C2CD5: variants seen among roughly 807,000 people sequenced by gnomAD.
C2CD5 encodes the protein C2 domain-containing protein 5.
Under a neutral mutation model 130.3 loss-of-function variants are expected in C2CD5, and 109 were observed. The ratio of observed to expected loss-of-function variants is 0.84; its 90% CI spans 0.72 to 0.98. The LOEUF (loss-of-function observed/expected upper bound fraction) is 0.98. Among genes scored for constraint, C2CD5 ranks in the 50% least tolerant of loss-of-function variants. C2CD5 has a pLI of 0.00. For missense variants in C2CD5, 996 were observed against 1,261.8 expected, an observed-to-expected ratio of 0.79 and a Z score of 3.19; for synonymous variants, 454 against 429.2, an observed-to-expected ratio of 1.06 and a Z score of -0.71.
rs749723939 is a variant in C2CD5, at chr12:22,514,635, T to C, written c.953-1256A>G. On this transcript the variant is annotated intron_variant, in intron 8 of 26. Coordinates refer to ENST00000446597, the MANE Select transcript of C2CD5 (RefSeq NM_001286176.2). ...GTAATCATATGGTTTAGCAACATGA[T>C]GACACAGGTCCAATGTGAATGGAGT... Among the ~76,000 whole-genome samples the C allele has an allele frequency of 2.3e-4, 35 of 152,222 alleles. 1 individual carries two copies. The highest frequency in any genetic ancestry group is 3.7e-4 in the Non-Finnish European group (25 of 67,994).
At chr12:22,488,660 A>T (rs1043960994) in intron 12 of C2CD5, among the ~76,000 whole-genome samples, 1 of 152,094 alleles carries the variant, frequency 6.6e-6, no homozygotes, top group Non-Finnish European at 1.5e-5. Flanking sequence ...CCTCAATAGA[A>T]TATTCTAATT....
chr12:22,542,581 T>C (rs180791065), intron 2 of C2CD5, among the ~76,000 whole-genome samples: 6 of 152,310 alleles, frequency 3.9e-5, no homozygotes, highest in Middle Eastern at 6.8e-3. Context: ...ATCCTGGGTG[T>C]CCTTCAAGGC....
chr12:22,542,920 C>A (rs1004999974), intron 2 of C2CD5, among the ~76,000 whole-genome samples: 12 of 152,196 alleles, frequency 7.9e-5, no homozygotes, highest in Non-Finnish European at 1.6e-4. Context: ...ATTAAATAGG[C>A]TGTGTGGGTC....
intron 13 of C2CD5, among the ~76,000 whole-genome samples, chr12:22,483,437 C>T (rs1945015667): frequency 6.6e-6 from 1 of 151,950 alleles, no homozygotes; most frequent in Admixed American, 6.6e-5. Flanking sequence ...GATTATTTCT[C>T]AACAGTAGCA....
rs889243903 is a variant in C2CD5 at position 22,471,870 on chromosome 12, C to T, written c.2268+97G>A. The T allele has an allele frequency of 7.6e-5, 56 of 739,064 alleles. No homozygotes were observed. The East Asian group carries it at 1.5e-3, about 20-fold the overall frequency. 45.8% of individuals were successfully genotyped at this position (739,064 alleles called of 1,614,324 possible). The stretch of plus-strand genomic sequence containing the variant: ...AAGTAGGTAAGAATGATTCAGCCCA[C>T]AACTGTGTAAGGTATTACAGACAAT... On this transcript the variant is annotated intron_variant, in intron 19 of 26. Coordinates refer to ENST00000446597, the MANE Select transcript of C2CD5 (RefSeq NM_001286176.2).
Position 22,512,672 on chromosome 12 carries a change from G to A in C2CD5, c.1038+622C>T, listed in dbSNP as rs186215079. ...CCGCCTTCTACAGAACCTATGAGGC[G>A]ATCCTCCCTTAGCAATGAAGTTTAT... On this transcript the variant is annotated intron_variant, in intron 9 of 26. Coordinates refer to ENST00000446597, the MANE Select transcript of C2CD5 (RefSeq NM_001286176.2). The A allele has an allele frequency of 5.6e-5, 83 of 1,494,542 alleles. 1 individual carries two copies. The African/African-American group carries it at 8.9e-4, about 16-fold the overall frequency. The allele number at this position is 1,494,542 out of a possible 1,614,324, so 92.6% of individuals were successfully genotyped here.
In C2CD5 at chr12:22,497,537, A is replaced by G. The variant is rs536892762; in HGVS notation, c.1148-4200T>C. 2.2e-4 allele frequency: 128 copies of G among 577,272 alleles called. No homozygotes were observed. In the African/African-American group the frequency reaches 2.4e-3, roughly 11 times the overall value. The allele number at this position is 577,272 out of a possible 1,614,324, so 35.8% of individuals were successfully genotyped here. The stretch of plus-strand genomic sequence containing the variant: ...ATAAAGGTTAATACAATGATAATCT[A>G]TCATGTTAACGGACAGTATAAAAAG... On this transcript the variant is annotated intron_variant, in intron 10 of 26. Transcript: ENST00000446597.
chr12:22,485,074 C>G (rs1945295217), intron 12 of C2CD5, among the ~76,000 whole-genome samples, 186 bp from the exon 13 acceptor site: 1 of 151,982 alleles, frequency 6.6e-6, no homozygotes, highest in African/African-American at 2.4e-5. Flanking sequence ...CAGAACCATA[C>G]ATTTTTCCTA....
At chr12:22,510,409 A>G (rs1280773430) in intron 9 of C2CD5, among the ~76,000 whole-genome samples, 1 of 152,210 alleles carries the variant, frequency 6.6e-6, no homozygotes, top group African/African-American at 2.4e-5. Flanking sequence ...AAAAATATTT[A>G]ATAGTGTGTG....
chr12:22,510,209 GA>G (rs797006141), intron 9 of C2CD5, among the ~76,000 whole-genome samples: 31 of 144,034 alleles, frequency 2.2e-4, no homozygotes, highest in Admixed American at 4.1e-4. Context: ...TCATCTCAAT[GA>G]AAAAAAAAAA....
chr12:22,449,717 T>C lies in C2CD5; in HGVS notation c.*43A>G, dbSNP rs368838207. 7 of 1,504,586 alleles carry C rather than the reference T, an allele frequency of 4.7e-6. No individual in the cohort carries two copies. The highest frequency in any genetic ancestry group is 1.4e-5 in the African/African-American group (1 of 72,810). 93.2% of individuals were successfully genotyped at this position (1,504,586 alleles called of 1,614,324 possible). A position where few individuals can be genotyped will look rare whatever the true frequency, so the allele number is the denominator to read the frequency against. ...ATAATTAATGACAAAATAACAGAGA[T>C]TGATGAATTTCATTTAGTTGAGCTC... On this transcript the variant is annotated 3_prime_UTR_variant, in exon 27 of 27. Coordinates refer to ENST00000446597, the MANE Select transcript of C2CD5 (RefSeq NM_001286176.2).
chr12:22,479,349 C>T (rs754277550), intron 14 of C2CD5, among the ~76,000 whole-genome samples: 10 of 151,694 alleles, frequency 6.6e-5, no homozygotes, highest in East Asian at 1.9e-4. Flanking sequence ...GCTGGGATTA[C>T]GGGCCTGAGT....
At chr12:22,477,148 T>C (rs1943964617) in intron 15 of C2CD5, 1 of 152,178 alleles carries the variant, frequency 6.6e-6, no homozygotes, top group African/African-American at 2.4e-5. Flanking sequence ...TTTTATTTCA[T>C]TCAGTATATC....
chr12:22,544,261 A>C (rs1050854460), intron 1 of C2CD5, 59 bp downstream of exon 1: 3 of 1,047,214 alleles, frequency 2.9e-6, no homozygotes, highest in Admixed American at 6.7e-5. Flanking sequence ...ACTGACAGCG[A>C]AGGAGCGCGC....
chr12:22,482,308 C>T (rs1944854242), intron 14 of C2CD5, among the ~76,000 whole-genome samples: 1 of 152,028 alleles, frequency 6.6e-6, no homozygotes. Flanking sequence ...AAAACTGTGG[C>T]CAACTTATTA....
Position 22,490,157 on chromosome 12 carries a change from G to A in C2CD5, c.1324C>T (p.Gln442Ter), listed in dbSNP as rs1431003346. ...AAACAGCCTTCCACGGTGCCATCCTGCAGAAATCTAGGATTCAGTACAGCC... is the reference window on the plus strand; with the variant it reads ...AAACAGCCTTCCACGGTGCCATCCTACAGAAATCTAGGATTCAGTACAGCC... ...TAAVLNPRFL[Q>*]DGTVEGCLEQ... is the part of the protein sequence containing the mutation. Residue 442 changes from glutamine (Q) to a stop codon, truncating the protein, a stop_gained, in exon 12 of 27, where the codon CAG becomes TAG. Coordinates refer to ENST00000446597, the MANE Select transcript of C2CD5 (RefSeq NM_001286176.2). LOFTEE classifies it high-confidence loss of function. 5 of 1,613,416 alleles carry A rather than the reference G, an allele frequency of 3.1e-6. No homozygotes were observed. In the African/African-American group the frequency reaches 5.3e-5, roughly 17 times the overall value.
rs745744878 is a variant in C2CD5 at position 22,523,406 on chromosome 12, T to C, written c.800+20A>G. On this transcript the variant is annotated intron_variant, in intron 7 of 26. Transcript: ENST00000446597. The stretch of plus-strand genomic sequence containing the variant: ...AAGATAAAAATCTTAGCAAGAACAA[T>C]TTCATTGATTCATACTTACTCCTTC... The C allele has an allele frequency of 8.2e-6, 13 of 1,586,956 alleles. No individual in the cohort carries two copies. The African/African-American group carries it at 1.2e-4, about 15-fold the overall frequency.
intron 11 of C2CD5, 130 bp from the exon 12 acceptor site, chr12:22,490,348 A>G: frequency 3.8e-6 from 2 of 533,324 alleles, no homozygotes; most frequent in East Asian, 3.2e-5. Context: ...ATTAAATAAT[A>G]TTTACGAGGT....
chr12:22,482,047 A>C (rs1211286306), intron 14 of C2CD5, among the ~76,000 whole-genome samples: 1 of 152,004 alleles, frequency 6.6e-6, no homozygotes, highest in Admixed American at 6.6e-5. Flanking sequence ...TTCTCCATCA[A>C]AACTAAAGAT....
Sources: allele counts gnomAD v4.1 joint callset (sites outside exome capture counted in the v4.1 genomes callset), GRCh38; gene constraint gnomAD v4.1.1; transcripts MANE v1.5; gene names NCBI Gene and HGNC (gene_info 2026-07-23, HGNC 2026-07-21).